Variants in SEPTIN14 observed in about 807,000 individuals in gnomAD.
The protein encoded by SEPTIN14 is septin 14.
Under a neutral mutation model 53.6 loss-of-function variants are expected in SEPTIN14, and 40 were observed. The observed-to-expected ratio is 0.75, with a 90% CI of 0.58 to 0.97. The LOEUF is 0.97. Among genes scored for constraint, SEPTIN14 ranks in the 50% least tolerant of loss-of-function variants. The pLI is 0.00. For missense variants in SEPTIN14, 471 were observed against 508.2 expected (o/e 0.93, Z 0.70); for synonymous variants, 138 against 166.8 (o/e 0.83, Z 1.33).
At chr7:55,819,264 A>C in intron 6 of SEPTIN14, 41 bp from the exon 7 acceptor site, 3 of 1,302,020 alleles carry the variant, frequency 2.3e-6, no homozygotes, top group Non-Finnish European at 3.3e-6. Flanking sequence ...CTCTAGCACC[A>C]TTAGAGCTTA....
chr7:55,835,189 A>T (rs1483742396), intron 5 of SEPTIN14, among the ~76,000 whole-genome samples: 1 of 150,664 alleles, frequency 6.6e-6, no homozygotes, highest in Non-Finnish European at 1.5e-5. Context: ...AAATTATTTT[A>T]TTTATTTATT....
chr7:55,840,902 ATTAT>A (rs1164682257), intron 5 of SEPTIN14, among the ~76,000 whole-genome samples: 1 of 148,068 alleles, frequency 6.8e-6, no homozygotes, highest in African/African-American at 2.4e-5. Flanking sequence ...TTATTTATTT[ATTAT>A]TTATTTATTT....
chr7:55,852,034 C>T (rs1433892316), intron 2 of SEPTIN14, among the ~76,000 whole-genome samples: 3 of 150,476 alleles, frequency 2.0e-5, no homozygotes, highest in African/African-American at 2.4e-5. Context: ...CCCAGCTACT[C>T]GGGAGGCTGA....
At chr7:55,830,349 A>ATATATATTTTTTTTTTTTTTTTTT (rs71015108) in intron 6 of SEPTIN14, among the ~76,000 whole-genome samples, 5 of 56,842 alleles carry the variant, frequency 8.8e-5, no homozygotes, top group African/African-American at 2.0e-4. Context: ...ATATATATAT[A>ATATATATTTTTTTTTTTTTTTTTT]TTTTTTTTTT....
chr7:55,838,165 A>C (rs1039606419), intron 5 of SEPTIN14, among the ~76,000 whole-genome samples: 1 of 152,206 alleles, frequency 6.6e-6, no homozygotes, highest in Non-Finnish European at 1.5e-5. Context: ...ATTTTGCTGA[A>C]GCCATGGGGC....
At chr7:55,817,443 A>G (rs1441352331) in intron 7 of SEPTIN14, among the ~76,000 whole-genome samples, 2 of 150,892 alleles carry the variant, frequency 1.3e-5, no homozygotes, top group African/African-American at 4.9e-5. Context: ...CATAGTGACC[A>G]TGTTAATAAC....
At chr7:55,843,856 C>A (rs535228866) in intron 4 of SEPTIN14, among the ~76,000 whole-genome samples, 1 of 151,948 alleles carries the variant, frequency 6.6e-6, no homozygotes, top group East Asian at 1.9e-4. Context: ...AATAACAGGC[C>A]AAGTAGAGTG....
chr7:55,813,009 G>C (rs1401616525), intron 7 of SEPTIN14, among the ~76,000 whole-genome samples: 1 of 151,888 alleles, frequency 6.6e-6, no homozygotes, highest in Non-Finnish European at 1.5e-5. Context: ...GAGTGCAGTG[G>C]CGCAATCTCG....
chr7:55,855,804 G>A (rs892511220), intron 2 of SEPTIN14, among the ~76,000 whole-genome samples: 5 of 151,898 alleles, frequency 3.3e-5, no homozygotes, highest in Non-Finnish European at 7.4e-5. Flanking sequence ...CACCCACCTC[G>A]CCCTCCCAAA....
chr7:55,815,261 C>G (rs1788772949), intron 7 of SEPTIN14, among the ~76,000 whole-genome samples: 2 of 151,980 alleles, frequency 1.3e-5, no homozygotes, highest in South Asian at 4.1e-4. Context: ...GCAACCAAAG[C>G]AAAAATAGAC....
chr7:55,829,982 T>C (rs1789068583), intron 6 of SEPTIN14, among the ~76,000 whole-genome samples: 1 of 151,532 alleles, frequency 6.6e-6, no homozygotes, highest in Admixed American at 6.6e-5. Context: ...ATCGAGACTA[T>C]CCTGGCTAAC....
chr7:55,797,237 A>T (rs1788446775), intron 9 of SEPTIN14, among the ~76,000 whole-genome samples: 2 of 152,224 alleles, frequency 1.3e-5, no homozygotes, highest in South Asian at 4.1e-4. Flanking sequence ...AAGAAAGCTT[A>T]TATAAAGAAA....
chr7:55,821,855 C>G (rs1788901329), intron 6 of SEPTIN14, among the ~76,000 whole-genome samples: 1 of 152,108 alleles, frequency 6.6e-6, no homozygotes, highest in Non-Finnish European at 1.5e-5. Context: ...TTTAACGCTA[C>G]TGATAAAAGA....
Position 55,841,769 on chromosome 7 carries a change from C to T in SEPTIN14, c.558+1173G>A, listed in dbSNP as rs556900334. Among the ~76,000 whole-genome samples the T allele has an allele frequency of 6.0e-5, 9 of 151,028 alleles. No homozygotes were observed. The Admixed American group carries it at 6.0e-4, about 10-fold the overall frequency. ...ACTCAGAAGGCTGAGGCAGGAGAAT[C>T]GCTTGAACCCAGGAGGTGGAGGTTG... is the stretch of plus-strand genomic sequence containing the variant. On this transcript the variant is annotated intron_variant, in intron 5 of 9. Coordinates refer to ENST00000388975, the MANE Select transcript of SEPTIN14 (RefSeq NM_207366.3).
intron 2 of SEPTIN14, among the ~76,000 whole-genome samples, chr7:55,853,103 AGTATGGAGAAC>A (rs1455833066): frequency 6.6e-6 from 1 of 152,204 alleles, no homozygotes; most frequent in Non-Finnish European, 1.5e-5. Flanking sequence ...AATGTGAATT[AGTATGGAGAAC>A]GTATGGAGGT....
chr7:55,813,323 A>G (rs1179794574), intron 7 of SEPTIN14, among the ~76,000 whole-genome samples: 1 of 152,200 alleles, frequency 6.6e-6, no homozygotes, highest in Non-Finnish European at 1.5e-5. Flanking sequence ...CTTAAGTTCC[A>G]GCTACCTCCA....
rs1210727092 is a variant in SEPTIN14 at position 55,805,307 on chromosome 7, A to G, written c.1070T>C (p.Met357Thr). 1 of 1,612,260 alleles carries G rather than the reference A, an allele frequency of 6.2e-7. No homozygotes were observed. Among genetic ancestry groups the G allele is most frequent in the Non-Finnish European group, 8.5e-7 (1 of 1,178,792 alleles). The change falls in exon 9 of 10, where the codon ATG becomes ACG. Residue 357 changes from methionine to threonine, a missense_variant. Physicochemically the swap from Met to Thr is moderately conservative, Grantham distance 81. Transcript: ENST00000388975. ...TGCTTCTTTCTCCTTGACTCGCTGC[A>G]TAAATCTCTGTTTCAACTCTTCTTC... ...REEEELKQRF[M>T]QRVKEKEATF...
At position 55,844,579 on chromosome 7, in the gene SEPTIN14, C is replaced by G; in HGVS notation, c.315G>C (p.Leu105Phe). The G allele has an allele frequency of 6.2e-7, 1 of 1,607,866 alleles. No individual in the cohort carries two copies. Among genetic ancestry groups the G allele is most frequent in the East Asian group, 2.2e-5 (1 of 44,806 alleles). ...TYELQESNVQ[L>F]KLTVVETVGY... ...CTACTGTCTCCACAACAGTCAATTT[C>G]AACTGAACATTGCTTTCCTGAAGTT... The change falls in exon 4 of 10, where the codon TTG becomes TTC. Residue 105 changes from leucine (L) to phenylalanine (F), a missense_variant. Coordinates refer to ENST00000388975, the MANE Select transcript of SEPTIN14 (RefSeq NM_207366.3).
At chr7:55,861,721 G>C (rs1407614731) in intron 2 of SEPTIN14, among the ~76,000 whole-genome samples, 1 of 152,118 alleles carries the variant, frequency 6.6e-6, no homozygotes, top group Non-Finnish European at 1.5e-5. Context: ...ATAGTCTGTT[G>C]CACTGCTAAC....
Sources: allele counts gnomAD v4.1 joint callset (sites outside exome capture counted in the v4.1 genomes callset), GRCh38; gene constraint gnomAD v4.1.1; transcripts MANE v1.5; gene names NCBI Gene and HGNC (gene_info 2026-07-23, HGNC 2026-07-21).